Variants in PRSS48 observed in about 807,000 individuals in gnomAD.
PRSS48 encodes the protein epidermis-specific serine protease-like protein.
In PRSS48, 21 loss-of-function variants were observed where a neutral mutation model predicts 25.6. The observed-to-expected ratio is 0.82, with a 90% confidence interval of 0.58 to 1.18. PRSS48 has a LOEUF of 1.18. Among genes scored for constraint, PRSS48 ranks in the 50% most tolerant of loss-of-function variants. The pLI is 0.00. For synonymous variants in PRSS48, 150 were observed against 149.3 expected (o/e 1.00, Z -0.04); for missense variants, 373 against 399.3 (o/e 0.93, Z 0.56).
At chr4:151,285,971 AT>A (rs575607365) in intron 4 of PRSS48, among the ~76,000 whole-genome samples, 1 of 150,362 alleles carries the variant, frequency 6.7e-6, no homozygotes, top group Non-Finnish European at 1.5e-5. Flanking sequence ...AAGGTAGGAG[AT>A]TTTTTTTCAG....
At chr4:151,281,269 TA>T (rs1475337922) in intron 2 of PRSS48, among the ~76,000 whole-genome samples, 1 of 151,894 alleles carries the variant, frequency 6.6e-6, no homozygotes, top group Non-Finnish European at 1.5e-5. Context: ...GGTATAAAGA[TA>T]AAAACAAAAA....
intron 4 of PRSS48, among the ~76,000 whole-genome samples, chr4:151,284,994 G>C (rs1236825613): frequency 6.6e-6 from 1 of 152,078 alleles, no homozygotes; most frequent in African/African-American, 2.4e-5. Context: ...AGGTAGCTCT[G>C]AACTCTATCC....
At chr4:151,291,092 C>A in intron 4 of PRSS48, 26 bp from the exon 5 acceptor site, 1 of 1,548,580 alleles carries the variant, frequency 6.5e-7, no homozygotes, top group South Asian at 1.2e-5. Flanking sequence ...TTTCACTATG[C>A]TCATTACCTT....
rs756886624 is a variant in PRSS48, at chr4:151,282,208, G to A, written c.276G>A (p.Arg92=). 9 of 1,613,786 alleles carry A rather than the reference G, an allele frequency of 5.6e-6. No individual in the cohort carries two copies. In the African/African-American group the frequency reaches 1.2e-4, roughly 22 times the overall value. Residue 92 remains arginine, a synonymous_variant, in exon 3 of 5, where the codon AGG becomes AGA. Transcript: ENST00000455694. Reference sequence around the variant, plus strand: ...GATCGATTACAGTAGGTGACTCAAGGAAACGTGTGAAGTACTACGTGTCCA... The same window carrying A: ...GATCGATTACAGTAGGTGACTCAAGAAAACGTGTGAAGTACTACGTGTCCA...
intron 4 of PRSS48, among the ~76,000 whole-genome samples, chr4:151,286,894 C>T (rs764904052): frequency 9.9e-5 from 15 of 151,550 alleles, no homozygotes; most frequent in Admixed American, 1.3e-4. Flanking sequence ...GCATGAGAAT[C>T]ACTTGAATCT....
Position 151,277,264 on chromosome 4 carries a change from A to G in PRSS48, c.52+40A>G, listed in dbSNP as rs776128617. On this transcript the variant is annotated intron_variant, in intron 1 of 4. Transcript: ENST00000455694. ...GGGGTTGAGAAGGCAGAGGCAGAGG[A>G]TTTTTACTAAAGAGGGCATCACATA... is the stretch of plus-strand genomic sequence containing the variant. 4.9e-6 allele frequency: 7 copies of G among 1,439,536 alleles called. No homozygotes were observed. In the East Asian group the frequency reaches 1.5e-4, roughly 31 times the overall value. The allele number at this position is 1,439,536 out of a possible 1,614,324, so 89.2% of individuals were successfully genotyped here.
At chr4:151,291,478 C>A, downstream of PRSS48, 1 of 1,444,920 alleles carries the variant, frequency 6.9e-7, no homozygotes. Context: ...ACTGCTAACC[C>A]TGGGTGACTT....
At chr4:151,285,000 T>C (rs1184985808) in intron 4 of PRSS48, among the ~76,000 whole-genome samples, 2 of 152,190 alleles carry the variant, frequency 1.3e-5, no homozygotes, top group East Asian at 1.9e-4. Flanking sequence ...CTCTGAACTC[T>C]ATCCTCTAAT....
intron 4 of PRSS48, among the ~76,000 whole-genome samples, chr4:151,285,795 A>G (rs13126943): frequency 0.36 from 54,832 of 151,826 alleles, 10,893 homozygotes; most frequent in Middle Eastern, 0.45. Flanking sequence ...TGAGCCCAGA[A>G]GTTCACATAT....
At chr4:151,279,124 A>C in intron 1 of PRSS48, 1 of 437,932 alleles carries the variant, frequency 2.3e-6, no homozygotes, top group Non-Finnish European at 4.5e-6. Flanking sequence ...CTGACCTGCC[A>C]AGGCCAGCAC....
At chr4:151,283,056 G>C (rs746260273) in intron 3 of PRSS48, 61 bp from the exon 4 acceptor site, 69 of 1,520,260 alleles carry the variant, frequency 4.5e-5, no homozygotes, top group Non-Finnish European at 6.3e-5. Context: ...CATCATGACT[G>C]AATGCTGCCC....
intron 3 of PRSS48, 24 bp downstream of exon 3, chr4:151,282,437 T>A: frequency 6.2e-7 from 1 of 1,611,476 alleles, no homozygotes; most frequent in Non-Finnish European, 8.5e-7. Flanking sequence ...GAGAGAAGGG[T>A]TGTTTCATAT....
chr4:151,280,033 A>G (rs1265734754), intron 2 of PRSS48, 75 bp downstream of exon 2: 1 of 863,260 alleles, frequency 1.2e-6, no homozygotes, highest in South Asian at 2.1e-5. Context: ...ATGAACCAAA[A>G]GACAAATGAA....
intron 2 of PRSS48, among the ~76,000 whole-genome samples, chr4:151,280,341 A>G (rs1774095368): frequency 6.6e-6 from 1 of 152,136 alleles, no homozygotes; most frequent in South Asian, 2.1e-4. Context: ...TCTAGTCAAC[A>G]GCGAGAAGAC....
exon 3 of PRSS48, chr4:151,282,245 C>G: frequency 6.2e-7 from 1 of 1,613,914 alleles, no homozygotes; most frequent in Non-Finnish European, 8.5e-7. Flanking sequence ...AATCGTCATC[C>G]ATCCCAAGTA....
At chr4:151,286,783 G>A (rs1182552565) in intron 4 of PRSS48, among the ~76,000 whole-genome samples, 6 of 151,296 alleles carry the variant, frequency 4.0e-5, no homozygotes, top group African/African-American at 1.5e-4. Flanking sequence ...AGTTCGAGAC[G>A]AGCCTAGCAA....
At chr4:151,282,442 T>A in intron 3 of PRSS48, 29 bp downstream of exon 3, 1 of 1,610,302 alleles carries the variant, frequency 6.2e-7, no homozygotes, top group Non-Finnish European at 8.5e-7. Context: ...AAGGGTTGTT[T>A]CATATGTCAT....
chr4:151,282,241 C>G, exon 3 of PRSS48: 1 of 1,613,960 alleles, frequency 6.2e-7, no homozygotes, highest in South Asian at 1.1e-5. Flanking sequence ...CCAAAATCGT[C>G]ATCCATCCCA....
chr4:151,286,237 A>G (rs1433792204), intron 4 of PRSS48, among the ~76,000 whole-genome samples: 1 of 150,968 alleles, frequency 6.6e-6, no homozygotes, highest in African/African-American at 2.4e-5. Flanking sequence ...AAAGAAGGAA[A>G]TAAGGGATAT....
Sources: gnomAD v4.1 joint callset for allele counts (sites outside exome capture counted in the v4.1 genomes callset) on GRCh38, gnomAD v4.1.1 for gene constraint, MANE v1.5 for transcripts, NCBI Gene and HGNC (gene_info 2026-07-23, HGNC 2026-07-21) for gene names.